Variants in PPP2R2B observed in about 807,000 individuals in gnomAD.
PPP2R2B encodes the protein serine/threonine-protein phosphatase 2A 55 kDa regulatory subunit B beta isoform.
Under a neutral mutation model 46.0 loss-of-function variants are expected in PPP2R2B, and 5 were observed. The ratio of observed to expected loss-of-function variants is 0.11; its 90% CI spans 0.06 to 0.23. PPP2R2B has a LOEUF of 0.23. PPP2R2B is among the 10% of genes least tolerant of loss of function. The probability of loss-of-function intolerance (pLI) is 1.00; values close to 1 mark genes in which losing one functional copy is unlikely to be tolerated. For missense variants in PPP2R2B, 367 were observed against 575.0 expected (o/e 0.64, Z 3.70); for synonymous variants, 215 against 206.7 (o/e 1.04, Z -0.34).
rs35505663 is a variant in PPP2R2B at position 146,774,465 on chromosome 5, TG to T, written c.71-73324del. On this transcript the variant is annotated intron_variant, in intron 2 of 9. Transcript: ENST00000394411. Reference sequence around the variant, plus strand: ...AATGATGAGAGAGACAAAAATAAAGTGGGGGGTTGTATACTAACATTATTAC... The same window carrying T: ...AATGATGAGAGAGACAAAAATAAAGTGGGGGTTGTATACTAACATTATTAC... 1.1e-4 allele frequency among the ~76,000 whole-genome samples: 17 copies of T among 151,342 alleles called. No individual in the cohort carries two copies. The East Asian group carries it at 2.9e-3, about 26-fold the overall frequency.
chr5:146,996,311 T>C (rs1033942380), intron 1 of PPP2R2B, among the ~76,000 whole-genome samples: 1 of 152,188 alleles, frequency 6.6e-6, no homozygotes, highest in African/African-American at 2.4e-5. Context: ...GAAGTCATTA[T>C]GGGGCATAGC....
At chr5:147,003,468 C>T (rs1754285475) in intron 1 of PPP2R2B, among the ~76,000 whole-genome samples, 1 of 152,258 alleles carries the variant, frequency 6.6e-6, no homozygotes, top group East Asian at 1.9e-4. Flanking sequence ...AGATATCCTA[C>T]AGGGTCTAGG....
intron 2 of PPP2R2B, among the ~76,000 whole-genome samples, chr5:147,069,009 C>T (rs567203521): frequency 5.6e-4 from 86 of 152,248 alleles, no homozygotes; most frequent in Non-Finnish European, 9.1e-4. Context: ...GGAAATATCA[C>T]CCACAGTAAA....
At chr5:146,602,645 T>C (rs1771893445) in intron 7 of PPP2R2B, among the ~76,000 whole-genome samples, 1 of 152,162 alleles carries the variant, frequency 6.6e-6, no homozygotes, top group Admixed American at 6.5e-5. Context: ...AGTATATAAT[T>C]AAGTTGCTGA....
At chr5:146,933,749 G>A (rs1764045634) in intron 1 of PPP2R2B, among the ~76,000 whole-genome samples, 1 of 148,768 alleles carries the variant, frequency 6.7e-6, no homozygotes, top group Non-Finnish European at 1.5e-5. Context: ...CGTTACATAT[G>A]TATACATGTG....
intron 3 of PPP2R2B, among the ~76,000 whole-genome samples, chr5:146,698,866 T>C (rs984531009): frequency 5.9e-5 from 9 of 151,688 alleles, no homozygotes; most frequent in African/African-American, 1.7e-4. Flanking sequence ...GCGCTGATTA[T>C]GCAATGAGCA....
In PPP2R2B at chr5:146,749,606, C is replaced by CTT. The variant is rs1045634394; in HGVS notation, c.71-48466_71-48465dup. Among the ~76,000 whole-genome samples the CTT allele has an allele frequency of 1.0e-3, 106 of 103,832 alleles. 2 individuals are homozygous for CTT. The highest frequency in any genetic ancestry group is 2.8e-3 in the African/African-American group (76 of 27,496). 68.1% of individuals were successfully genotyped at this position (103,832 alleles called of 152,430 possible). ...AGATTTCCTTTTTTTCTTTTCTTTT[C>CTT]TTTTTTTTTTTTTTTTTTTTCGAGA... On this transcript the variant is annotated intron_variant, in intron 2 of 9. Coordinates refer to ENST00000394411, the MANE Select transcript of PPP2R2B (RefSeq NM_181675.4).
At chr5:146,852,710 C>T (rs1388752769) in intron 2 of PPP2R2B, among the ~76,000 whole-genome samples, 1 of 152,130 alleles carries the variant, frequency 6.6e-6, no homozygotes, top group Non-Finnish European at 1.5e-5. Context: ...TGGCCAGCAA[C>T]ATGAACCTGC....
At chr5:146,655,792 C>T (rs1776284611) in intron 5 of PPP2R2B, among the ~76,000 whole-genome samples, 1 of 151,790 alleles carries the variant, frequency 6.6e-6, no homozygotes, top group South Asian at 2.1e-4. Flanking sequence ...CTGCCCAGGC[C>T]GTATGAACCA....
At chr5:146,896,221 C>T (rs912575331) in intron 1 of PPP2R2B, among the ~76,000 whole-genome samples, 2 of 152,088 alleles carry the variant, frequency 1.3e-5, no homozygotes, top group African/African-American at 2.4e-5. Flanking sequence ...ATCAAATCAT[C>T]CACAATTTGA....
At chr5:146,645,740 T>C (rs1363681319) in intron 6 of PPP2R2B, among the ~76,000 whole-genome samples, 1 of 152,214 alleles carries the variant, frequency 6.6e-6, no homozygotes, top group East Asian at 1.9e-4. Context: ...GAAGTATCCC[T>C]AGAGTCCAGC....
intron 2 of PPP2R2B, among the ~76,000 whole-genome samples, chr5:146,850,444 ACT>A (rs1369111793): frequency 6.6e-6 from 1 of 152,124 alleles, no homozygotes; most frequent in Admixed American, 6.5e-5. Context: ...TTTTTGCAAG[ACT>A]CTGCAAGATG....
chr5:146,747,906 A>C (rs960601319), intron 2 of PPP2R2B, among the ~76,000 whole-genome samples: 1 of 152,170 alleles, frequency 6.6e-6, no homozygotes, highest in African/African-American at 2.4e-5. Flanking sequence ...GGACGATACG[A>C]AGGGTGATAT....
chr5:146,800,915 CAT>C (rs1431583600), intron 2 of PPP2R2B, among the ~76,000 whole-genome samples: 1 of 147,282 alleles, frequency 6.8e-6, no homozygotes, highest in Non-Finnish European at 1.5e-5. Context: ...GGTATGTGTA[CAT>C]ACACACACAC....
At chr5:146,600,003 C>G (rs892322602) in intron 8 of PPP2R2B, among the ~76,000 whole-genome samples, 1 of 152,216 alleles carries the variant, frequency 6.6e-6, no homozygotes, top group Non-Finnish European at 1.5e-5. Flanking sequence ...CATCATCTGA[C>G]TTTTCCACCA....
At chr5:146,731,895 T>C (rs1240868178) in intron 2 of PPP2R2B, among the ~76,000 whole-genome samples, 1 of 152,198 alleles carries the variant, frequency 6.6e-6, no homozygotes, top group Non-Finnish European at 1.5e-5. Context: ...CATGGGGTCA[T>C]ATTAATTTCT....
chr5:146,980,987 T>A (rs1198657917), intron 1 of PPP2R2B, among the ~76,000 whole-genome samples: 2 of 152,206 alleles, frequency 1.3e-5, no homozygotes, highest in Non-Finnish European at 2.9e-5. Flanking sequence ...CTAAAAAGAC[T>A]AAATAAAAAG....
intron 1 of PPP2R2B, among the ~76,000 whole-genome samples, chr5:146,925,211 A>T (rs999621154): frequency 7.2e-5 from 11 of 152,224 alleles, no homozygotes; most frequent in African/African-American, 2.7e-4. Flanking sequence ...GGAATCTTTT[A>T]TACTAACATA....
intron 1 of PPP2R2B, among the ~76,000 whole-genome samples, chr5:147,010,154 T>C (rs1395019346): frequency 6.6e-6 from 1 of 152,136 alleles, no homozygotes. Context: ...AAAGCACACA[T>C]ACACAAACAC....
Sources: allele counts gnomAD v4.1 joint callset (sites outside exome capture counted in the v4.1 genomes callset), GRCh38; gene constraint gnomAD v4.1.1; transcripts MANE v1.5; gene names NCBI Gene and HGNC (gene_info 2026-07-23, HGNC 2026-07-21).